The following LYN variants were observed in gnomAD, a reference collection of about 807,000 sequenced individuals.
The protein encoded by LYN is tyrosine-protein kinase Lyn.
In LYN, 12 loss-of-function variants were observed where a neutral mutation model predicts 65.0. That is an observed-to-expected ratio of 0.18 (90% CI 0.12 to 0.30). The LOEUF (loss-of-function observed/expected upper bound fraction) is 0.30. Ranked by LOEUF, LYN falls within the 10% of genes least tolerant of loss-of-function variation. The pLI is 1.00. For missense variants in LYN, 380 were observed against 623.2 expected, an observed-to-expected ratio of 0.61 and a Z score of 4.16; for synonymous variants, 222 against 221.2, an observed-to-expected ratio of 1.00 and a Z score of -0.03.
At chr8:55,887,803 C>T (rs11776339) in intron 1 of LYN, among the ~76,000 whole-genome samples, 73,099 of 151,386 alleles carry the variant, frequency 0.48, 17,913 homozygotes, top group East Asian at 0.68. Context: ...ACAGACAGGG[C>T]TTTGCTGTGT....
chr8:55,927,986 G>T (rs1348679987), intron 1 of LYN, among the ~76,000 whole-genome samples: 4 of 152,230 alleles, frequency 2.6e-5, no homozygotes, highest in East Asian at 1.9e-4. Flanking sequence ...ATAAGAAACT[G>T]CAAGACTGTC....
At chr8:55,922,056 G>A (rs1377200320) in intron 1 of LYN, among the ~76,000 whole-genome samples, 1 of 152,084 alleles carries the variant, frequency 6.6e-6, no homozygotes, top group East Asian at 1.9e-4. Context: ...GAAAGGAGTG[G>A]GTGGAGAATG....
chr8:55,976,343 AAGAAG>A (rs1380405389), intron 10 of LYN, among the ~76,000 whole-genome samples: 4 of 151,496 alleles, frequency 2.6e-5, no homozygotes, highest in South Asian at 4.2e-4. Flanking sequence ...AAAAAAAAAA[AAGAAG>A]GAAGGAAGGA....
At chr8:55,967,225 A>G (rs1807484643) in intron 9 of LYN, among the ~76,000 whole-genome samples, 1 of 151,626 alleles carries the variant, frequency 6.6e-6, no homozygotes, top group South Asian at 2.1e-4. Flanking sequence ...TTTGAAATAC[A>G]TATGCTTAAA....
At chr8:55,882,675 T>C (rs1355969554) in intron 1 of LYN, among the ~76,000 whole-genome samples, 1 of 152,224 alleles carries the variant, frequency 6.6e-6, no homozygotes, top group Non-Finnish European at 1.5e-5. Context: ...TTCCTAGTGA[T>C]GATGGTGAAG....
chr8:55,882,890 C>T (rs1243498302), intron 1 of LYN, among the ~76,000 whole-genome samples: 1 of 152,160 alleles, frequency 6.6e-6, no homozygotes, highest in Non-Finnish European at 1.5e-5. Context: ...CACCTTTGGA[C>T]TTGTAGTGTG....
At chr8:55,914,451 A>G (rs1585593008) in intron 1 of LYN, among the ~76,000 whole-genome samples, 1 of 152,278 alleles carries the variant, frequency 6.6e-6, no homozygotes, top group African/African-American at 2.4e-5. Flanking sequence ...TGCTCATGTG[A>G]GCCGTGTACA....
At chr8:55,969,332 A>G (rs901409093) in intron 9 of LYN, among the ~76,000 whole-genome samples, 2 of 152,224 alleles carry the variant, frequency 1.3e-5, no homozygotes, top group Non-Finnish European at 2.9e-5. Flanking sequence ...TGCTGAATAC[A>G]GATGGGAGTG....
At chr8:55,999,580 C>A in intron 12 of LYN, 31 bp downstream of exon 12, 2 of 1,608,536 alleles carry the variant, frequency 1.2e-6, no homozygotes, top group Middle Eastern at 3.3e-4. Flanking sequence ...TACAATCAAG[C>A]TGTATAAATG....
At chr8:55,919,022 C>CAAA (rs35663372) in intron 1 of LYN, among the ~76,000 whole-genome samples, 628 of 60,438 alleles carry the variant, frequency 0.01, 12 homozygotes, top group Middle Eastern at 0.019. Flanking sequence ...CCTGTCTCTA[C>CAAA]AAAAAAAAAA....
intron 1 of LYN, among the ~76,000 whole-genome samples, chr8:55,927,357 G>C (rs1585606796): frequency 6.6e-6 from 1 of 152,122 alleles, no homozygotes; most frequent in African/African-American, 2.4e-5. Flanking sequence ...AGCCTTTTCA[G>C]ATTGGCTTCT....
At chr8:55,982,614 C>T (rs1464335105) in intron 10 of LYN, among the ~76,000 whole-genome samples, 1 of 152,174 alleles carries the variant, frequency 6.6e-6, no homozygotes, top group African/African-American at 2.4e-5. Context: ...GTCCTCGGAT[C>T]CCCGAACACT....
intron 12 of LYN, among the ~76,000 whole-genome samples, chr8:56,006,085 A>G (rs1055490933): frequency 1.2e-4 from 18 of 152,038 alleles, no homozygotes; most frequent in Admixed American, 7.9e-4. Flanking sequence ...CCCTGTCTCA[A>G]AAAAAAGGTG....
At chr8:55,945,328 T>G (rs1806741317) in intron 2 of LYN, among the ~76,000 whole-genome samples, 1 of 152,182 alleles carries the variant, frequency 6.6e-6, no homozygotes, top group African/African-American at 2.4e-5. Flanking sequence ...TTCCTCTAAA[T>G]CACATAAAAT....
chr8:55,896,190 AG>A (rs1472995886), intron 1 of LYN, among the ~76,000 whole-genome samples: 1 of 151,906 alleles, frequency 6.6e-6, no homozygotes, highest in African/African-American at 2.4e-5. Flanking sequence ...GGGTCCCTTG[AG>A]TCCAGGAGTT....
chr8:55,996,112 A>G (rs1440078769), intron 10 of LYN, among the ~76,000 whole-genome samples: 1 of 152,252 alleles, frequency 6.6e-6, no homozygotes, highest in East Asian at 1.9e-4. Context: ...AGAGGTGTTT[A>G]TCAACTGGCT....
intron 4 of LYN, among the ~76,000 whole-genome samples, chr8:55,949,907 C>T (rs923660746): frequency 1.3e-5 from 2 of 152,136 alleles, no homozygotes; most frequent in Admixed American, 6.5e-5. Flanking sequence ...AACCCTGCAC[C>T]CCTTAGCTGT....
chr8:55,945,432 G>A (rs1806744484), intron 2 of LYN, among the ~76,000 whole-genome samples: 1 of 152,102 alleles, frequency 6.6e-6, no homozygotes. Context: ...TGCAGCCATG[G>A]GTTTTTCTGG....
At chr8:55,913,005 A>G (rs4449764) in intron 1 of LYN, among the ~76,000 whole-genome samples, 93,917 of 151,994 alleles carry the variant, frequency 0.62, 29,959 homozygotes, top group East Asian at 0.95. Context: ...GCTACTTATT[A>G]AAAATGACAA....
Sources: allele counts gnomAD v4.1 joint callset (sites outside exome capture counted in the v4.1 genomes callset), GRCh38; gene constraint gnomAD v4.1.1; transcripts MANE v1.5; gene names NCBI Gene and HGNC (gene_info 2026-07-23, HGNC 2026-07-21).